The following P4HA2 variants were observed in gnomAD, a reference collection of about 807,000 sequenced individuals.
The protein encoded by P4HA2 is prolyl 4-hydroxylase subunit alpha-2.
Under a neutral mutation model 76.9 loss-of-function variants are expected in P4HA2, and 46 were observed. The observed-to-expected ratio is 0.60, with a 90% confidence interval of 0.47 to 0.76. The LOEUF is 0.76. Ranked by LOEUF, P4HA2 falls within the 30% of genes least tolerant of loss-of-function variation. The pLI is 0.00. For synonymous variants in P4HA2, 243 were observed against 254.0 expected (o/e 0.96, Z 0.41); for missense variants, 583 against 669.4 (o/e 0.87, Z 1.42).
intron 10 of P4HA2, 150 bp downstream of exon 10, chr5:132,203,598 T>C: frequency 3.2e-6 from 2 of 617,104 alleles, no homozygotes; most frequent in Non-Finnish European, 5.9e-6. Context: ...TGATTAATTC[T>C]GGTTTCCTAA....
intron 1 of P4HA2, among the ~76,000 whole-genome samples, chr5:132,221,888 G>A (rs1282248933): frequency 2.0e-5 from 3 of 152,282 alleles, no homozygotes; most frequent in Admixed American, 1.3e-4. Context: ...CCCATCAGGC[G>A]ACTGGCACTG....
chr5:132,206,009 TCA>T (rs1382582993), intron 8 of P4HA2, among the ~76,000 whole-genome samples: 1 of 152,152 alleles, frequency 6.6e-6, no homozygotes, highest in Non-Finnish European at 1.5e-5. Context: ...CATCTGTCCC[TCA>T]CAGTCTCCGG....
chr5:132,204,115 ACTC>A lies in P4HA2; in HGVS notation c.1115_1117del (p.Gly372del). On this transcript the variant is annotated inframe_deletion, in exon 9 of 15. Transcript: ENST00000360568. The stretch of plus-strand genomic sequence containing the variant: ...AACCCGGTAGCTGGCGACAGTGAGG[ACTC>A]CTGTCTTGGGATCACGAACGGTGGC... 1 of 1,613,748 alleles carries A rather than the reference ACTC, an allele frequency of 6.2e-7. No homozygotes were observed. Among genetic ancestry groups the A allele is most frequent in the Non-Finnish European group, 8.5e-7 (1 of 1,179,744 alleles).
intron 12 of P4HA2, 30 bp downstream of exon 12, chr5:132,198,291 T>C (rs1750968586): frequency 6.2e-7 from 1 of 1,614,218 alleles, no homozygotes; most frequent in Non-Finnish European, 8.5e-7. Flanking sequence ...TAAGTGAGAA[T>C]GAACAGGTGG....
intron 4 of P4HA2, among the ~76,000 whole-genome samples, chr5:132,216,965 TAA>T (rs547874807): frequency 6.6e-6 from 1 of 151,494 alleles, no homozygotes; most frequent in Non-Finnish European, 1.5e-5. Context: ...AGACAGACAC[TAA>T]AAAAAAGACG....
intron 12 of P4HA2, chr5:132,195,710 C>T: frequency 1.7e-6 from 1 of 577,202 alleles, no homozygotes; most frequent in Non-Finnish European, 3.1e-6. Flanking sequence ...AGAGTTGAGG[C>T]CCACAGGAGA....
intron 14 of P4HA2, among the ~76,000 whole-genome samples, chr5:132,193,967 CTAA>C (rs1750223347): frequency 1.3e-5 from 2 of 152,298 alleles, no homozygotes; most frequent in South Asian, 4.2e-4. Flanking sequence ...CTTCCCATCC[CTAA>C]TCTCCACTCC....
intron 10 of P4HA2, chr5:132,200,556 G>C (rs1751349783): frequency 6.6e-6 from 1 of 151,862 alleles, no homozygotes; most frequent in African/African-American, 2.4e-5. Context: ...CCTTTTTTTT[G>C]GGGGGAGTGG....
intron 5 of P4HA2, among the ~76,000 whole-genome samples, chr5:132,212,810 T>C (rs893793036): frequency 6.6e-6 from 1 of 152,184 alleles, no homozygotes; most frequent in Non-Finnish European, 1.5e-5. Context: ...ATGGGTTTGC[T>C]GAGTGAACGT....
intron 1 of P4HA2, among the ~76,000 whole-genome samples, chr5:132,219,153 AC>A (rs754097868): frequency 2.6e-5 from 4 of 152,202 alleles, no homozygotes; most frequent in Non-Finnish European, 5.9e-5. Flanking sequence ...GAGTACCAAC[AC>A]CCAAACTAAG....
rs1205416414 is a variant in P4HA2 at position 132,190,693 on chromosome 5, TAAATC to T, written c.*2312_*2316del. On this transcript the variant is annotated 3_prime_UTR_variant, in exon 15 of 15. Coordinates refer to ENST00000360568, the MANE Select transcript of P4HA2 (RefSeq NM_001017974.2). Reference sequence around the variant, plus strand: ...TTTCTCAAATAAGACATAAAAAACATAAATCAAAAAGAAAAAGCTTGATAGATTTG... The same window carrying T: ...TTTCTCAAATAAGACATAAAAAACATAAAAAGAAAAAGCTTGATAGATTTG... Among the ~76,000 whole-genome samples the T allele has an allele frequency of 6.6e-6, 1 of 152,128 alleles. No homozygotes were observed. The highest frequency in any genetic ancestry group is 2.4e-5 in the African/African-American group (1 of 41,504).
Position 132,217,279 on chromosome 5 carries a change from A to G in P4HA2, c.249T>C (p.Pro83=). Residue 83 remains proline, a synonymous_variant, in exon 4 of 15, where the codon CCT becomes CCC. Transcript: ENST00000360568. ...GCTTCACCAGTTTGTAGGCATTCACAGGGTGAGCCAGGTAGCCCTCAGCAT... is the reference window on the plus strand; with the variant it reads ...GCTTCACCAGTTTGTAGGCATTCACGGGGTGAGCCAGGTAGCCCTCAGCAT... ...AADAEGYLAH[P]VNAYKLVKRL... 1.2e-6 allele frequency: 2 copies of G among 1,614,158 alleles called. No individual in the cohort carries two copies. Among genetic ancestry groups the G allele is most frequent in the Non-Finnish European group, 1.7e-6 (2 of 1,179,968 alleles).
chr5:132,217,861 GAAGA>G lies in P4HA2; in HGVS notation c.83-17_83-14del, dbSNP rs1223446041. 5.9e-6 allele frequency: 9 copies of G among 1,529,266 alleles called. No individual in the cohort carries two copies. In the African/African-American group the frequency reaches 8.2e-5, roughly 14 times the overall value. The allele number at this position is 1,529,266 out of a possible 1,614,324, so 94.7% of individuals were successfully genotyped here. Reference sequence around the variant, plus strand: ...TCAGTCATGTGCCCTGCAAGGGAGAGAAGAAAGACACCAGTGAGAAACAGATGAG... The same window carrying G: ...TCAGTCATGTGCCCTGCAAGGGAGAGAAGACACCAGTGAGAAACAGATGAG... On this transcript the variant is annotated splice_polypyrimidine_tract_variant and intron_variant, in intron 2 of 14. Coordinates refer to ENST00000360568, the MANE Select transcript of P4HA2 (RefSeq NM_001017974.2).
At chr5:132,206,766 T>C (rs941341561) in intron 8 of P4HA2, among the ~76,000 whole-genome samples, 1 of 152,228 alleles carries the variant, frequency 6.6e-6, no homozygotes, top group Admixed American at 6.5e-5. Context: ...AATTATGCTC[T>C]AGAAGTTCTG....
chr5:132,210,060 T>C (rs1167942006), intron 6 of P4HA2, among the ~76,000 whole-genome samples: 2 of 152,200 alleles, frequency 1.3e-5, no homozygotes, highest in Non-Finnish European at 2.9e-5. Context: ...GCCACAGGCC[T>C]GAGCGTATCT....
chr5:132,204,312 T>C (rs763244373), intron 8 of P4HA2, among the ~76,000 whole-genome samples, 160 bp from the exon 9 acceptor site: 5 of 152,210 alleles, frequency 3.3e-5, no homozygotes, highest in African/African-American at 4.8e-5. Context: ...TGCAGGCCAG[T>C]TGAGGGCAAG....
chr5:132,219,020 A>G (rs1039071409), intron 1 of P4HA2, among the ~76,000 whole-genome samples: 6 of 152,190 alleles, frequency 3.9e-5, no homozygotes, highest in African/African-American at 1.4e-4. Flanking sequence ...GTTTGTTTCT[A>G]TCTTACCTTC....
At chr5:132,217,091 T>C (rs1348130338) in intron 4 of P4HA2, 106 bp downstream of exon 4, 4 of 1,045,722 alleles carry the variant, frequency 3.8e-6, no homozygotes, top group Non-Finnish European at 5.6e-6. Flanking sequence ...TTCCACAATG[T>C]ACTTGCCCAC....
intron 4 of P4HA2, among the ~76,000 whole-genome samples, chr5:132,214,900 T>C (rs1343041724): frequency 6.6e-6 from 1 of 152,178 alleles, no homozygotes; most frequent in Non-Finnish European, 1.5e-5. Flanking sequence ...CTCCAAGCCC[T>C]AGCTGTAAAG....
Sources: allele counts gnomAD v4.1 joint callset (sites outside exome capture counted in the v4.1 genomes callset), GRCh38; gene constraint gnomAD v4.1.1; transcripts MANE v1.5; gene names NCBI Gene and HGNC (gene_info 2026-07-23, HGNC 2026-07-21).